The following HLA-DPA1 variants were observed in gnomAD, a reference collection of about 807,000 sequenced individuals.
HLA-DPA1 encodes the protein HLA class II histocompatibility antigen, DP alpha 1 chain.
HLA-DPA1 carries 20 observed loss-of-function variants against 21.5 expected under a neutral mutation model. The ratio of observed to expected loss-of-function variants is 0.93; its 90% CI spans 0.66 to 1.35. The LOEUF is 1.35. Ranked by LOEUF, HLA-DPA1 falls within the 40% of genes most tolerant of loss-of-function variation. HLA-DPA1 has a pLI of 0.00. For synonymous variants in HLA-DPA1, 123 were observed against 129.6 expected, an observed-to-expected ratio of 0.95 and a Z score of 0.35; for missense variants, 279 against 323.0, an observed-to-expected ratio of 0.86 and a Z score of 1.05.
intron 1 of HLA-DPA1, among the ~76,000 whole-genome samples, chr6:33,074,765 CT>C (rs1423606497): frequency 6.6e-6 from 1 of 152,098 alleles, no homozygotes; most frequent in African/African-American, 2.4e-5. Context: ...AATAAATTAC[CT>C]GAGACATCGA....
exon 2 of HLA-DPA1, chr6:33,073,594 C>A: frequency 6.4e-7 from 1 of 1,552,848 alleles, no homozygotes; most frequent in Non-Finnish European, 8.9e-7. Context: ...TAATTGATGA[C>A]TGTGAGCACA....
Position 33,080,651 on chromosome 6 carries a change from A to G in HLA-DPA1, c.-100+29T>C. 2 of 1,612,192 alleles carry G rather than the reference A, an allele frequency of 1.2e-6. No homozygotes were observed. Among genetic ancestry groups the G allele is most frequent in the Non-Finnish European group, 1.7e-6 (2 of 1,179,214 alleles). ...TTAGATGAGAGTGGCGCCTCCGCTC[A>G]TGTCCGCCCCCTCCCCGCAGAGAAT... On this transcript the variant is annotated intron_variant, in intron 1 of 5. Transcript: ENST00000419277. This position sits in a 1 kb window ranked among gnomAD's most constrained non-coding sequence, Gnocchi z 4.3.
chr6:33,080,492 G>T lies in HLA-DPA1; in HGVS notation c.-100+188C>A. ...TCTCTCTCTGCGTGGTGAGAAAACAGGCCTGGAGAGGCTCTGCGACCCGCT... is the reference window on the plus strand; with the variant it reads ...TCTCTCTCTGCGTGGTGAGAAAACATGCCTGGAGAGGCTCTGCGACCCGCT... On this transcript the variant is annotated intron_variant, in intron 1 of 5. Transcript: ENST00000419277. The surrounding 1 kb of genome is among the most constrained non-coding windows in gnomAD (Gnocchi z 4.3). The T allele has an allele frequency of 1.2e-6, 1 of 827,100 alleles. No individual in the cohort carries two copies. Among genetic ancestry groups the T allele is most frequent in the Non-Finnish European group, 2.0e-6 (1 of 487,810 alleles). 51.2% of individuals were successfully genotyped at this position (827,100 alleles called of 1,614,324 possible).
rs143306402 is a variant in HLA-DPA1, at chr6:33,072,054, A to G, written c.100+1417T>C. Among the ~76,000 whole-genome samples, 545 of 152,326 alleles carry G rather than the reference A, an allele frequency of 3.6e-3. 3 individuals carry two copies. Among genetic ancestry groups the G allele is most frequent in the East Asian group, 0.026 (133 of 5,192 alleles). On this transcript the variant is annotated intron_variant, in intron 2 of 5. Transcript: ENST00000419277. ...AGATCTCAGGGTATAATGAGAGAAC[A>G]TGATAGTTAAGAGGTGGTTTAAAAG... is the stretch of plus-strand genomic sequence containing the variant.
rs2308910 is a variant in HLA-DPA1, at chr6:33,069,810, T to A, written c.177A>T (p.Glu59Asp). 1.3e-3 allele frequency: 2,121 copies of A among 1,610,924 alleles called. 37 individuals carry two copies. In the East Asian group the frequency reaches 0.014, roughly 11 times the overall value. Residue 59 changes from glutamate to aspartate, a missense_variant, in exon 3 of 6, where the codon GAA becomes GAT. Coordinates refer to ENST00000419277, the Ensembl canonical transcript of HLA-DPA1. The stretch of plus-strand genomic sequence containing the variant: ...CCAGATCCACATAGAACATCTCATC[T>A]TCATCAAATTCAAACATAAACTCCC...
chr6:33,077,735 C>T (rs900296367), intron 1 of HLA-DPA1, among the ~76,000 whole-genome samples: 3 of 152,148 alleles, frequency 2.0e-5, no homozygotes, highest in East Asian at 1.9e-4. Flanking sequence ...TTCCTGCTTA[C>T]ACCCTTCCTC....
intron 3 of HLA-DPA1, 29 bp from the exon 3 acceptor site, chr6:33,069,329 C>T (rs1762138154): frequency 6.3e-7 from 1 of 1,594,962 alleles, no homozygotes; most frequent in Admixed American, 1.7e-5. Flanking sequence ...AGGTTAGGCC[C>T]CTCTTCTGGG....
At chr6:33,071,724 G>T (rs148116262) in intron 2 of HLA-DPA1, among the ~76,000 whole-genome samples, 2 of 152,118 alleles carry the variant, frequency 1.3e-5, no homozygotes, top group Admixed American at 1.3e-4. Context: ...CACAAGATGC[G>T]ACCAAACAGC....
chr6:33,070,928 A>G (rs1318216473), intron 2 of HLA-DPA1, among the ~76,000 whole-genome samples: 1 of 152,212 alleles, frequency 6.6e-6, no homozygotes, highest in African/African-American at 2.4e-5. Context: ...CTTAGTCTTT[A>G]TTAGTTTGTA....
At chr6:33,077,493 C>T (rs1762603503) in intron 1 of HLA-DPA1, among the ~76,000 whole-genome samples, 1 of 152,110 alleles carries the variant, frequency 6.6e-6, no homozygotes, top group Non-Finnish European at 1.5e-5. Flanking sequence ...GGAATTGCCA[C>T]ACTGTCTTGA....
chr6:33,079,770 G>A (rs1396077065), intron 1 of HLA-DPA1: 4 of 490,202 alleles, frequency 8.2e-6, no homozygotes, highest in East Asian at 1.2e-4. Flanking sequence ...ATTTCCTCCA[G>A]AACTGCAAAG....
rs1358103219 is a variant in HLA-DPA1 at position 33,080,282 on chromosome 6, A to G, written c.-100+398T>C. The G allele has an allele frequency of 2.6e-6, 1 of 384,386 alleles. No homozygotes were observed. The highest frequency in any genetic ancestry group is 5.1e-6 in the Non-Finnish European group (1 of 196,452). The allele number at this position is 384,386 out of a possible 1,614,324, so 23.8% of individuals were successfully genotyped here. On this transcript the variant is annotated intron_variant, in intron 1 of 5. Transcript: ENST00000419277. This position sits in a 1 kb window ranked among gnomAD's most constrained non-coding sequence, Gnocchi z 4.3. ...GGATGGAAATGTCAGTCAGGGAGTT[A>G]AGTAGGGGGAGCAGCTCCGCCCTCC...
At chr6:33,068,053 G>A (rs1007812467) in intron 5 of HLA-DPA1, 3 of 152,204 alleles carry the variant, frequency 2.0e-5, no homozygotes, top group Non-Finnish European at 2.9e-5. Context: ...TGAGTGTTAT[G>A]ATAAATAGAA....
intron 1 of HLA-DPA1, among the ~76,000 whole-genome samples, chr6:33,076,465 T>C (rs987620576): frequency 2.4e-4 from 37 of 152,130 alleles, no homozygotes; most frequent in Admixed American, 7.9e-4. Context: ...AAGTGCAGGC[T>C]CCTGGGCGTG....
exon 2 of HLA-DPA1, chr6:33,073,636 A>G: frequency 8.9e-7 from 1 of 1,129,630 alleles, no homozygotes; most frequent in Non-Finnish European, 1.3e-6. Flanking sequence ...GGCCGAGTGG[A>G]GGCAGATGAG....
intron 1 of HLA-DPA1, chr6:33,079,537 C>A: frequency 8.0e-6 from 3 of 374,530 alleles, no homozygotes; most frequent in South Asian, 6.8e-5. Flanking sequence ...ACTGAAATGT[C>A]AAAATTAAGC....
chr6:33,069,794 C>T, exon 3 of HLA-DPA1: 2 of 1,611,458 alleles, frequency 1.2e-6, no homozygotes, highest in Non-Finnish European at 8.5e-7. Context: ...TCCAGATCCA[C>T]ATAGAACATC....
At chr6:33,073,642 A>T in exon 2 of HLA-DPA1, 2 of 1,054,134 alleles carry the variant, frequency 1.9e-6, no homozygotes, top group Non-Finnish European at 3.0e-6. Flanking sequence ...GTGGAGGCAG[A>T]TGAGACTGAA....
chr6:33,072,308 A>G (rs1009822090), intron 2 of HLA-DPA1, among the ~76,000 whole-genome samples: 4 of 152,202 alleles, frequency 2.6e-5, no homozygotes, highest in African/African-American at 9.7e-5. Context: ...ACACAAAGAA[A>G]GTGTCTCTGG....
Sources: gnomAD v4.1 joint callset for allele counts (sites outside exome capture counted in the v4.1 genomes callset) on GRCh38, gnomAD v4.1.1 for gene constraint, Gnocchi (gnomAD v3.1) non-coding constraint, MANE v1.5 for transcripts, NCBI Gene and HGNC (gene_info 2026-07-23, HGNC 2026-07-21) for gene names.